Variants in WDR64 observed in about 807,000 individuals in gnomAD.
WDR64 encodes the protein WD repeat-containing protein 64.
WDR64 carries 112 observed loss-of-function variants against 139.3 expected under a neutral mutation model. The observed-to-expected ratio is 0.80, with a 90% CI of 0.69 to 0.94. The LOEUF (loss-of-function observed/expected upper bound fraction) is 0.94. Ranked by LOEUF, WDR64 falls within the 40% of genes least tolerant of loss-of-function variation. The pLI is 0.00. For synonymous variants in WDR64, 444 were observed against 437.7 expected, an observed-to-expected ratio of 1.01 and a Z score of -0.18; for missense variants, 1,206 against 1,293.1, an observed-to-expected ratio of 0.93 and a Z score of 1.03.
At chr1:241,749,020 C>A (rs1465057452) in intron 13 of WDR64, among the ~76,000 whole-genome samples, 1 of 152,030 alleles carries the variant, frequency 6.6e-6, no homozygotes, top group Non-Finnish European at 1.5e-5. Flanking sequence ...CACTTTCCTC[C>A]CACGTAACCA....
At chr1:241,792,083 C>G (rs11581784) in intron 25 of WDR64, among the ~76,000 whole-genome samples, 26,293 of 152,148 alleles carry the variant, frequency 0.17, 2,641 homozygotes, top group African/African-American at 0.26. Flanking sequence ...CATTACCAAC[C>G]TACAGTTACC....
At chr1:241,704,644 TC>T (rs1667864530) in intron 8 of WDR64, among the ~76,000 whole-genome samples, 1 of 152,172 alleles carries the variant, frequency 6.6e-6, no homozygotes, top group Admixed American at 6.5e-5. Flanking sequence ...AGTAATTACA[TC>T]TAAAGGGCAA....
chr1:241,800,508 G>C (rs768593547), intron 27 of WDR64, among the ~76,000 whole-genome samples: 3 of 152,024 alleles, frequency 2.0e-5, no homozygotes, highest in Non-Finnish European at 4.4e-5. Context: ...TTAGCTGGAC[G>C]TGGTGACACA....
chr1:241,672,965 C>T (rs1056101464), intron 3 of WDR64, among the ~76,000 whole-genome samples: 11 of 152,064 alleles, frequency 7.2e-5, no homozygotes, highest in Admixed American at 2.0e-4. Context: ...GAGGGAGTCA[C>T]CTGAGTTATC....
At chr1:241,718,164 T>C (rs917942368) in intron 9 of WDR64, among the ~76,000 whole-genome samples, 2 of 152,172 alleles carry the variant, frequency 1.3e-5, no homozygotes, top group East Asian at 3.9e-4. Flanking sequence ...AAACATGTAT[T>C]AAGCACTTAC....
chr1:241,693,945 G>C (rs550441164), intron 8 of WDR64, among the ~76,000 whole-genome samples: 2 of 151,946 alleles, frequency 1.3e-5, no homozygotes, highest in African/African-American at 4.8e-5. Context: ...TGGGTGAGTC[G>C]AAAGGAGATT....
chr1:241,775,778 T>C (rs150681413), intron 21 of WDR64, among the ~76,000 whole-genome samples: 131 of 152,316 alleles, frequency 8.6e-4, no homozygotes, highest in African/African-American at 3.1e-3. Flanking sequence ...TGAATGCACA[T>C]GCATGTGTAA....
intron 15 of WDR64, 50 bp from the exon 16 acceptor site, chr1:241,766,168 G>A (rs769377753): frequency 1.6e-5 from 25 of 1,577,726 alleles, no homozygotes; most frequent in East Asian, 1.1e-4. Context: ...CGTTTGCACC[G>A]CGAATCATGA....
chr1:241,674,049 G>T (rs1013354460), intron 3 of WDR64, among the ~76,000 whole-genome samples: 3 of 152,102 alleles, frequency 2.0e-5, no homozygotes, highest in Non-Finnish European at 4.4e-5. Context: ...ATGCACGTGT[G>T]TGTGTAGGGG....
At chr1:241,778,371 C>T (rs1260071584) in intron 21 of WDR64, among the ~76,000 whole-genome samples, 1 of 152,122 alleles carries the variant, frequency 6.6e-6, no homozygotes, top group African/African-American at 2.4e-5. Context: ...TACTCCTTTG[C>T]TTTTAATCTA....
At chr1:241,727,993 C>T (rs1042136328) in intron 10 of WDR64, among the ~76,000 whole-genome samples, 2 of 151,862 alleles carry the variant, frequency 1.3e-5, no homozygotes, top group African/African-American at 4.8e-5. Flanking sequence ...GGGGAACCAG[C>T]CCCGTGAAGA....
intron 27 of WDR64, among the ~76,000 whole-genome samples, chr1:241,800,894 C>T (rs1056253587): frequency 1.3e-5 from 2 of 152,096 alleles, no homozygotes; most frequent in Non-Finnish European, 2.9e-5. Context: ...GAATGGATAA[C>T]TGCCCAGTTA....
At chr1:241,735,615 A>G (rs1052488379) in intron 10 of WDR64, among the ~76,000 whole-genome samples, 3 of 144,016 alleles carry the variant, frequency 2.1e-5, no homozygotes, top group Non-Finnish European at 4.5e-5. Context: ...GCTCACTGCA[A>G]CTTCCACCTC....
rs999654327 is a variant in WDR64 at position 241,788,043 on chromosome 1, A to T, written c.2891+9A>T. On this transcript the variant is annotated intron_variant, in intron 24 of 27. Transcript: ENST00000437684. The stretch of plus-strand genomic sequence containing the variant: ...ATATTTGACCGGGAAAAGTAAGACC[A>T]TTAGCTCTTCTTTAGATAAGCATAC... The T allele has an allele frequency of 1.3e-6, 2 of 1,569,806 alleles. No homozygotes were observed. Among genetic ancestry groups the T allele is most frequent in the Non-Finnish European group, 1.7e-6 (2 of 1,162,364 alleles).
In WDR64 at chr1:241,741,546, C is replaced by T; in HGVS notation, c.1352C>T (p.Thr451Ile). The T allele has an allele frequency of 6.2e-7, 1 of 1,612,454 alleles. No individual in the cohort carries two copies. The change falls in exon 12 of 28, where the codon ACT (threonine) becomes ATT (isoleucine). Residue 451 changes from threonine (T) to isoleucine (I), a missense_variant. By Grantham distance (89) the Thr-to-Ile change is moderately conservative. Transcript: ENST00000437684. ...GSSVMDMYPLTRMIQDTKQVP... is the reference protein window; with the variant it reads ...GSSVMDMYPLIRMIQDTKQVP... Reference sequence around the variant, plus strand: ...AGTGTTATGGACATGTATCCTTTGACTAGGATGATACAAGATACAAAACAG... The same window carrying T: ...AGTGTTATGGACATGTATCCTTTGATTAGGATGATACAAGATACAAAACAG...
intron 14 of WDR64, among the ~76,000 whole-genome samples, chr1:241,754,675 C>T (rs1670110963): frequency 6.6e-6 from 1 of 152,094 alleles, no homozygotes; most frequent in African/African-American, 2.4e-5. Flanking sequence ...CACCCATCAA[C>T]CCGTCATCTA....
chr1:241,658,020 T>G, intron 1 of WDR64, among the ~76,000 whole-genome samples: 2 of 152,248 alleles, frequency 1.3e-5, no homozygotes, highest in East Asian at 3.8e-4. Context: ...GTAAATAGTT[T>G]GTTCACTTGA....
chr1:241,785,431 A>G (rs1659001964), intron 23 of WDR64, among the ~76,000 whole-genome samples: 1 of 152,226 alleles, frequency 6.6e-6, no homozygotes, highest in South Asian at 2.1e-4. Context: ...AAAGACACTA[A>G]TTCCATTCAT....
chr1:241,767,478 G>C (rs556001248), intron 16 of WDR64, among the ~76,000 whole-genome samples: 1 of 152,206 alleles, frequency 6.6e-6, no homozygotes, highest in African/African-American at 2.4e-5. Flanking sequence ...CTATGGCAAG[G>C]GGGTTTGGAA....
Sources: allele counts gnomAD v4.1 joint callset (sites outside exome capture counted in the v4.1 genomes callset), GRCh38; gene constraint gnomAD v4.1.1; transcripts MANE v1.5; gene names NCBI Gene and HGNC (gene_info 2026-07-23, HGNC 2026-07-21).